Variants in PTPRD observed in about 807,000 individuals in gnomAD.
PTPRD encodes receptor-type tyrosine-protein phosphatase delta.
A neutral mutation model predicts 214.5 loss-of-function variants in PTPRD; 34 were observed. That is an observed-to-expected ratio of 0.16 (90% CI 0.12 to 0.21). PTPRD has a LOEUF of 0.21. Ranked by LOEUF, PTPRD falls within the 10% of genes least tolerant of loss-of-function variation. The probability of loss-of-function intolerance (pLI) is 1.00; values close to 1 mark genes in which losing one functional copy is unlikely to be tolerated. For synonymous variants in PTPRD, 1,128 were observed against 845.7 expected, an observed-to-expected ratio of 1.33 and a Z score of -5.79; for missense variants, 2,545 against 2,398.7, an observed-to-expected ratio of 1.06 and a Z score of -1.27.
In PTPRD at chr9:9,718,804, G is replaced by A. The variant is rs187120114; in HGVS notation, c.-287+15729C>T. Among the ~76,000 whole-genome samples, 24 of 152,306 alleles carry A rather than the reference G, an allele frequency of 1.6e-4. No homozygotes were observed. In the East Asian group the frequency reaches 4.5e-3, roughly 28 times the overall value. ...TGCTTCTGAGGCTAAAACTTTGGGT[G>A]CCAACAAGCACAGGAGGGAGGCTGG... On this transcript the variant is annotated intron_variant, in intron 7 of 45. Transcript: ENST00000381196.
chr9:9,079,592 G>C (rs1211226267), intron 10 of PTPRD, among the ~76,000 whole-genome samples: 1 of 150,344 alleles, frequency 6.7e-6, no homozygotes, highest in Non-Finnish European at 1.5e-5. Flanking sequence ...CATAGTGGTT[G>C]CACTAGTTTA....
intron 9 of PTPRD, among the ~76,000 whole-genome samples, chr9:9,246,577 T>C (rs996464050): frequency 3.3e-5 from 5 of 152,108 alleles, no homozygotes; most frequent in Admixed American, 3.3e-4. Flanking sequence ...AAATAATTTA[T>C]AGTCTCTCCT....
intron 2 of PTPRD, among the ~76,000 whole-genome samples, chr9:10,409,943 C>T (rs2098416925): frequency 6.6e-6 from 1 of 151,652 alleles, no homozygotes; most frequent in Non-Finnish European, 1.5e-5. Context: ...TACAACCTCA[C>T]AAGAAACCCT....
At chr9:9,211,099 G>T (rs2132814247) in intron 9 of PTPRD, among the ~76,000 whole-genome samples, 1 of 151,302 alleles carries the variant, frequency 6.6e-6, no homozygotes, top group South Asian at 2.1e-4. Flanking sequence ...GTGTGTGTAT[G>T]TTTGTGTTGG....
In PTPRD at chr9:10,278,935, A is replaced by C. The variant is rs778850529; in HGVS notation, c.-545+62028T>G. Reference sequence around the variant, plus strand: ...GACTACAGGCACACACCACCACGCCAGGCTAATTTTTTGTATTTTTAGTAG... The same window carrying C: ...GACTACAGGCACACACCACCACGCCCGGCTAATTTTTTGTATTTTTAGTAG... On this transcript the variant is annotated intron_variant, in intron 3 of 45. Coordinates refer to ENST00000381196, the MANE Select transcript of PTPRD (RefSeq NM_002839.4). Among the ~76,000 whole-genome samples, 45 of 151,810 alleles carry C rather than the reference A, an allele frequency of 3.0e-4. 1 individual carries two copies. The highest frequency in any genetic ancestry group is 1.5e-3 in the South Asian group (7 of 4,778).
intron 3 of PTPRD, among the ~76,000 whole-genome samples, chr9:10,153,302 A>G (rs1285875191): frequency 1.3e-5 from 2 of 151,848 alleles, no homozygotes. Flanking sequence ...TTAAAAATAA[A>G]TTAAATATTT....
intron 8 of PTPRD, among the ~76,000 whole-genome samples, chr9:9,509,037 G>GA (rs371258610): frequency 7.3e-5 from 11 of 149,852 alleles, no homozygotes; most frequent in South Asian, 2.1e-4. Flanking sequence ...ACCTTTCCAA[G>GA]AAAAAAAAAT....
At chr9:8,406,696 C>A (rs1351189408) in intron 35 of PTPRD, among the ~76,000 whole-genome samples, 1 of 152,096 alleles carries the variant, frequency 6.6e-6, no homozygotes, top group Non-Finnish European at 1.5e-5. Context: ...TAGAGTAATT[C>A]CTCTATATAA....
chr9:10,055,329 C>T (rs948449594), intron 3 of PTPRD, among the ~76,000 whole-genome samples: 2 of 152,032 alleles, frequency 1.3e-5, no homozygotes, highest in African/African-American at 2.4e-5. Flanking sequence ...TTACAAAGAT[C>T]GGCATGATAA....
At chr9:9,754,156 G>A (rs545149442) in intron 6 of PTPRD, among the ~76,000 whole-genome samples, 2 of 152,178 alleles carry the variant, frequency 1.3e-5, no homozygotes, top group East Asian at 1.9e-4. Context: ...GAATGGAAAT[G>A]TGTTCTGTGA....
chr9:10,288,391 T>G (rs1363380928), intron 3 of PTPRD, among the ~76,000 whole-genome samples: 1 of 152,094 alleles, frequency 6.6e-6, no homozygotes, highest in Non-Finnish European at 1.5e-5. Context: ...CCATTGCCCA[T>G]TCTCAAATAT....
At chr9:9,044,730 T>C (rs2099666776) in intron 10 of PTPRD, among the ~76,000 whole-genome samples, 1 of 152,160 alleles carries the variant, frequency 6.6e-6, no homozygotes, top group Non-Finnish European at 1.5e-5. Context: ...TATGCAGTAA[T>C]TACCCTTTAA....
At chr9:10,246,601 G>C (rs1303544342) in intron 3 of PTPRD, among the ~76,000 whole-genome samples, 2 of 152,246 alleles carry the variant, frequency 1.3e-5, no homozygotes, top group East Asian at 1.9e-4. Flanking sequence ...CAACTACTTA[G>C]GGCAGGAAGA....
rs530210293 is a variant in PTPRD at position 9,943,852 on chromosome 9, G to A, written c.-471-5242C>T. Among the ~76,000 whole-genome samples the A allele has an allele frequency of 2.0e-5, 3 of 152,226 alleles. No individual in the cohort carries two copies. In the East Asian group the frequency reaches 5.8e-4, roughly 30 times the overall value. On this transcript the variant is annotated intron_variant, in intron 4 of 45. Coordinates refer to ENST00000381196, the MANE Select transcript of PTPRD (RefSeq NM_002839.4). ...TCTTTTTTTCCAAGCTGCTGGGAGTGCTGCTGGACTGCTAGCCCCAGCTCT... is the reference window on the plus strand; with the variant it reads ...TCTTTTTTTCCAAGCTGCTGGGAGTACTGCTGGACTGCTAGCCCCAGCTCT...
chr9:8,466,190 A>G (rs1339846918), intron 31 of PTPRD, among the ~76,000 whole-genome samples: 1 of 151,938 alleles, frequency 6.6e-6, no homozygotes, highest in East Asian at 1.9e-4. Context: ...AGCAGAATCC[A>G]ATAAACAATT....
intron 2 of PTPRD, among the ~76,000 whole-genome samples, chr9:10,507,526 T>C (rs2046432617): frequency 1.3e-5 from 2 of 152,114 alleles, no homozygotes; most frequent in African/African-American, 4.8e-5. Flanking sequence ...GCTGGAGGAA[T>C]CACGCTACCT....
chr9:10,108,181 T>G (rs1015145049), intron 3 of PTPRD, among the ~76,000 whole-genome samples: 2 of 152,176 alleles, frequency 1.3e-5, no homozygotes, highest in African/African-American at 4.8e-5. Flanking sequence ...CTTTTGTCTT[T>G]ATTTTTTAAA....
At chr9:10,561,853 A>G (rs1228215861) in intron 2 of PTPRD, among the ~76,000 whole-genome samples, 2 of 152,130 alleles carry the variant, frequency 1.3e-5, no homozygotes, top group African/African-American at 4.8e-5. Flanking sequence ...CACTTATACT[A>G]TAGCATATCC....
intron 7 of PTPRD, among the ~76,000 whole-genome samples, chr9:9,719,766 T>A (rs1190135955): frequency 6.6e-6 from 1 of 152,210 alleles, no homozygotes; most frequent in African/African-American, 2.4e-5. Context: ...TCTTTGGGGT[T>A]CTGCGGTTTC....
Sources: gnomAD v4.1 joint callset for allele counts (sites outside exome capture counted in the v4.1 genomes callset) on GRCh38, gnomAD v4.1.1 for gene constraint, MANE v1.5 for transcripts, NCBI Gene and HGNC (gene_info 2026-07-23, HGNC 2026-07-21) for gene names.